Variants in ATP10A observed in about 807,000 individuals in gnomAD.
The protein encoded by ATP10A is ATPase phospholipid transporting 10A (putative).
In ATP10A, 111 loss-of-function variants were observed where a neutral mutation model predicts 147.8. That is an observed-to-expected ratio of 0.75 (90% CI 0.64 to 0.88). The LOEUF (loss-of-function observed/expected upper bound fraction) is 0.88. Among genes scored for constraint, ATP10A ranks in the 40% least tolerant of loss-of-function variants. The pLI is 0.00. For missense variants in ATP10A, 1,927 were observed against 1,959.0 expected, an observed-to-expected ratio of 0.98 and a Z score of 0.31; for synonymous variants, 875 against 841.6, an observed-to-expected ratio of 1.04 and a Z score of -0.69.
intron 1 of ATP10A, among the ~76,000 whole-genome samples, chr15:25,819,371 C>A (rs537290400): frequency 6.6e-6 from 1 of 152,030 alleles, no homozygotes; most frequent in Non-Finnish European, 1.5e-5. Flanking sequence ...AACCCCAATG[C>A]GATACCTCCT....
rs540620306 is a variant in ATP10A, at chr15:25,702,149, C to T, written c.2576-49G>A. Reference sequence around the variant, plus strand: ...AGCGAACCCGCTTCTCACGTGCCCCCCAATCCTTCTGGGGTGCAAATGTCA... The same window carrying T: ...AGCGAACCCGCTTCTCACGTGCCCCTCAATCCTTCTGGGGTGCAAATGTCA... On this transcript the variant is annotated intron_variant, in intron 12 of 20. Coordinates refer to ENST00000555815, the MANE Select transcript of ATP10A (RefSeq NM_024490.4). 3.2e-6 allele frequency: 5 copies of T among 1,555,524 alleles called. No homozygotes were observed. The African/African-American group carries it at 5.4e-5, about 17-fold the overall frequency.
intron 9 of ATP10A, among the ~76,000 whole-genome samples, 157 bp downstream of exon 9, chr15:25,716,573 C>T (rs1901823871): frequency 6.6e-6 from 1 of 152,156 alleles, no homozygotes; most frequent in Admixed American, 6.5e-5. Flanking sequence ...CACTGTTTTG[C>T]CCAGTATGAA....
intron 1 of ATP10A, among the ~76,000 whole-genome samples, chr15:25,833,618 C>A (rs1345722184): frequency 6.6e-6 from 1 of 152,168 alleles, no homozygotes; most frequent in African/African-American, 2.4e-5. Context: ...TCCATTTTTT[C>A]TTCCTCTCAG....
chr15:25,714,914 T>C (rs1901688342), intron 9 of ATP10A, among the ~76,000 whole-genome samples: 1 of 151,462 alleles, frequency 6.6e-6, no homozygotes, highest in Admixed American at 6.6e-5. Flanking sequence ...ATCCCAAACA[T>C]TGAAACAATA....
At chr15:25,676,547 A>G (rs1177300055), downstream of ATP10A, among the ~76,000 whole-genome samples, 1 of 152,154 alleles carries the variant, frequency 6.6e-6, no homozygotes, top group Non-Finnish European at 1.5e-5. Flanking sequence ...TGACTGAAAG[A>G]CAGTCTGGGT....
In ATP10A at chr15:25,721,889, T is replaced by C. The variant is rs940029965; in HGVS notation, c.1131A>G (p.Leu377=). 6.2e-7 allele frequency: 1 copy of C among 1,612,304 alleles called. No individual in the cohort carries two copies. Among genetic ancestry groups the C allele is most frequent in the Non-Finnish European group, 8.5e-7 (1 of 1,178,434 alleles). Residue 377 remains leucine, a synonymous_variant, in exon 7 of 21, where the codon TTA becomes TTG. Transcript: ENST00000555815. ...IVLQVLIPIS[L]YVSIEIVKAC... is the part of the protein sequence containing the mutation. ...CTTTAACAATTTCAATGGAAACGTA[T>C]AAGGAAATTGGGATCAAAACCTGGA...
At chr15:25,857,565 G>A (rs1567436645) in intron 1 of ATP10A, among the ~76,000 whole-genome samples, 2 of 152,208 alleles carry the variant, frequency 1.3e-5, no homozygotes, top group South Asian at 4.1e-4. Context: ...ATGATGTCTG[G>A]AGTTTGCATC....
chr15:25,697,520 T>A (rs1113697), intron 13 of ATP10A, among the ~76,000 whole-genome samples: 17,218 of 152,150 alleles, frequency 0.11, 1,098 homozygotes, highest in South Asian at 0.25. Flanking sequence ...ACAGCCATTA[T>A]CCAAAAGTTC....
At chr15:25,788,856 T>C (rs967130468) in intron 1 of ATP10A, among the ~76,000 whole-genome samples, 2 of 152,262 alleles carry the variant, frequency 1.3e-5, no homozygotes, top group Non-Finnish European at 1.5e-5. Context: ...AATTAATCCC[T>C]ACAAAGAGAA....
At chr15:25,682,948 T>C (rs1207015783) in intron 17 of ATP10A, among the ~76,000 whole-genome samples, 1 of 152,202 alleles carries the variant, frequency 6.6e-6, no homozygotes, top group Non-Finnish European at 1.5e-5. Context: ...GGGTTTGTCT[T>C]CTTGTTAATT....
chr15:25,733,319 G>A (rs1887054720), intron 3 of ATP10A, among the ~76,000 whole-genome samples: 2 of 152,138 alleles, frequency 1.3e-5, no homozygotes, highest in African/African-American at 2.4e-5. Flanking sequence ...CATCAGGACT[G>A]GTATGGGGTT....
chr15:25,725,837 C>A, intron 5 of ATP10A, 114 bp downstream of exon 5: 2 of 1,265,362 alleles, frequency 1.6e-6, no homozygotes, highest in Non-Finnish European at 2.1e-6. Flanking sequence ...CAGCTGGTCA[C>A]CAACTCCTGA....
intron 6 of ATP10A, among the ~76,000 whole-genome samples, chr15:25,722,464 T>A (rs915514509): frequency 6.6e-6 from 1 of 152,082 alleles, no homozygotes; most frequent in Admixed American, 6.5e-5. Context: ...GAGAAAAACA[T>A]TCAGTGATGC....
At chr15:25,786,075 T>C (rs886338738) in intron 1 of ATP10A, among the ~76,000 whole-genome samples, 1 of 152,048 alleles carries the variant, frequency 6.6e-6, no homozygotes, top group Non-Finnish European at 1.5e-5. Flanking sequence ...GGGAGAAGTG[T>C]GGGGAGAAGG....
At chr15:25,680,720 C>G in intron 19 of ATP10A, 90 bp downstream of exon 19, 3 of 1,250,028 alleles carry the variant, frequency 2.4e-6, no homozygotes, top group Middle Eastern at 5.4e-4. Context: ...CTACTCAAAA[C>G]GACCTCCCAG....
chr15:25,784,058 C>T (rs1041247540), intron 1 of ATP10A, among the ~76,000 whole-genome samples: 6 of 152,244 alleles, frequency 3.9e-5, no homozygotes, highest in Non-Finnish European at 7.3e-5. Flanking sequence ...TGCCTACTTC[C>T]TTTTCCAAAG....
rs552139190 is a variant in ATP10A, at chr15:25,744,398, T to A, written c.655-8257A>T. Among the ~76,000 whole-genome samples the A allele has an allele frequency of 3.3e-5, 5 of 152,216 alleles. No homozygotes were observed. The South Asian group carries it at 1.0e-3, about 32-fold the overall frequency. ...TGAGTGTGTGTATATATATATGAAA[T>A]ACAAGGCCTCAAATTATTTGTAAAA... On this transcript the variant is annotated intron_variant, in intron 2 of 20. Transcript: ENST00000555815.
At chr15:25,731,512 G>A (rs1253207869) in intron 3 of ATP10A, among the ~76,000 whole-genome samples, 1 of 152,176 alleles carries the variant, frequency 6.6e-6, no homozygotes, top group Non-Finnish European at 1.5e-5. Flanking sequence ...ATGTTTGATT[G>A]ATTTGTGGCT....
intron 1 of ATP10A, among the ~76,000 whole-genome samples, chr15:25,840,850 G>A (rs897508579): frequency 3.3e-5 from 5 of 152,228 alleles, no homozygotes; most frequent in African/African-American, 1.2e-4. Flanking sequence ...TGATAGATGC[G>A]CAGTGGTATC....
Sources: allele counts gnomAD v4.1 joint callset (sites outside exome capture counted in the v4.1 genomes callset), GRCh38; gene constraint gnomAD v4.1.1; transcripts MANE v1.5; gene names NCBI Gene and HGNC (gene_info 2026-07-23, HGNC 2026-07-21).